The following SVOP variants were observed in gnomAD, a reference collection of about 807,000 sequenced individuals.
SVOP encodes the protein SV2 related protein.
A neutral mutation model predicts 69.1 loss-of-function variants in SVOP; 17 were observed. That is an observed-to-expected ratio of 0.25 (90% CI 0.17 to 0.37). SVOP has a LOEUF of 0.37. SVOP is among the 10% of genes least tolerant of loss of function. The pLI, the probability that SVOP is intolerant of heterozygous loss-of-function variation, is 1.00. For missense variants in SVOP, 435 were observed against 597.5 expected, an observed-to-expected ratio of 0.73 and a Z score of 2.84; for synonymous variants, 238 against 238.6, an observed-to-expected ratio of 1.00 and a Z score of 0.02.
rs574086841 is a variant in SVOP, at chr12:108,909,783, A to C, written c.*2752T>G. 1 of 152,210 alleles carries C rather than the reference A, an allele frequency of 6.6e-6. No homozygotes were observed. The highest frequency in any genetic ancestry group is 1.5e-5 in the Non-Finnish European group (1 of 68,040). 9.4% of individuals were successfully genotyped at this position (152,210 alleles called of 1,614,324 possible). ...ACTCTAAGAGAAACATGGCATTTCC[A>C]TTAACGAAAATAGGAGCTTTTTGAA... On this transcript the variant is annotated 3_prime_UTR_variant, in exon 16 of 16. Coordinates refer to ENST00000610966, the MANE Select transcript of SVOP (RefSeq NM_018711.5).
chr12:109,002,727 G>A (rs1185395704), intron 1 of SVOP, among the ~76,000 whole-genome samples: 15 of 148,102 alleles, frequency 1.0e-4, no homozygotes, highest in African/African-American at 2.5e-4. Context: ...CAAACACCGC[G>A]TATTCTCACT....
At chr12:108,988,452 T>C (rs1293170994) in intron 1 of SVOP, among the ~76,000 whole-genome samples, 2 of 152,186 alleles carry the variant, frequency 1.3e-5, no homozygotes, top group Non-Finnish European at 2.9e-5. Context: ...GGACATCCAA[T>C]GTTCCTAATA....
At chr12:108,931,125 C>A (rs1375789425) in intron 11 of SVOP, among the ~76,000 whole-genome samples, 1 of 152,158 alleles carries the variant, frequency 6.6e-6, no homozygotes, top group African/African-American at 2.4e-5. Flanking sequence ...ATTGACTCTA[C>A]AATCAAAGCA....
chr12:108,927,295 C>T (rs1593179341), intron 11 of SVOP, among the ~76,000 whole-genome samples: 1 of 152,294 alleles, frequency 6.6e-6, no homozygotes, highest in East Asian at 1.9e-4. Flanking sequence ...AACTTGTCAG[C>T]TTGCAAATAG....
rs182780122 is a variant in SVOP, at chr12:108,952,651, A to T, written c.579-7485T>A. Among the ~76,000 whole-genome samples the T allele has an allele frequency of 2.0e-5, 3 of 152,294 alleles. No individual in the cohort carries two copies. The East Asian group carries it at 5.8e-4, about 29-fold the overall frequency. On this transcript the variant is annotated intron_variant, in intron 6 of 15. Coordinates refer to ENST00000610966, the MANE Select transcript of SVOP (RefSeq NM_018711.5). Reference sequence around the variant, plus strand: ...CTTGAGTTCAAGAACAGCCTGGGTAACACAGTGAGACCGCCCACCCTGTGC... The same window carrying T: ...CTTGAGTTCAAGAACAGCCTGGGTATCACAGTGAGACCGCCCACCCTGTGC...
At chr12:109,001,198 C>T (rs2040267273) in intron 1 of SVOP, among the ~76,000 whole-genome samples, 1 of 61,720 alleles carries the variant, frequency 1.6e-5, no homozygotes, top group Non-Finnish European at 3.5e-5. Flanking sequence ...TGAGTGAACT[C>T]CCATTCACAA....
intron 11 of SVOP, among the ~76,000 whole-genome samples, chr12:108,932,439 C>CA (rs1482678965): frequency 1.2e-4 from 18 of 151,014 alleles, no homozygotes; most frequent in Admixed American, 4.6e-4. Context: ...GACCCTGTCT[C>CA]AAAAAAAAGA....
At chr12:108,915,960 G>T in intron 14 of SVOP, 88 bp from the exon 15 acceptor site, 1 of 1,305,172 alleles carries the variant, frequency 7.7e-7, no homozygotes, top group Non-Finnish European at 1.0e-6. Flanking sequence ...AACCTCAGGG[G>T]CAGGCCGGAA....
At chr12:108,945,039 G>T (rs1321068811) in intron 7 of SVOP, 64 bp downstream of exon 7, 1 of 1,448,980 alleles carries the variant, frequency 6.9e-7, no homozygotes, top group Non-Finnish European at 9.4e-7. Context: ...TGTGGTTCAA[G>T]ACATCTGAGA....
At chr12:108,972,152 A>T (rs935475301) in intron 5 of SVOP, among the ~76,000 whole-genome samples, 46 of 151,352 alleles carry the variant, frequency 3.0e-4, no homozygotes, top group Admixed American at 8.6e-4. Flanking sequence ...GGTAATGAGG[A>T]AATGGTTCTG....
At chr12:108,918,206 A>G in intron 13 of SVOP, 82 bp from the exon 14 acceptor site, 1 of 1,170,976 alleles carries the variant, frequency 8.5e-7, no homozygotes, top group Non-Finnish European at 1.2e-6. Flanking sequence ...AGGCAGTATC[A>G]ATGCCCTAGC....
At chr12:108,994,615 T>C (rs894369533) in intron 1 of SVOP, among the ~76,000 whole-genome samples, 1 of 152,218 alleles carries the variant, frequency 6.6e-6, no homozygotes, top group Non-Finnish European at 1.5e-5. Context: ...ATTTTGCAAA[T>C]GAGGACACTT....
intron 6 of SVOP, among the ~76,000 whole-genome samples, chr12:108,954,438 A>C (rs896277674): frequency 2.0e-5 from 3 of 152,224 alleles, no homozygotes; most frequent in African/African-American, 7.2e-5. Flanking sequence ...AGTAGGGAGC[A>C]GGCAGGCAAG....
At chr12:108,950,666 T>G (rs1413391482) in intron 6 of SVOP, among the ~76,000 whole-genome samples, 1 of 152,234 alleles carries the variant, frequency 6.6e-6, no homozygotes, top group Non-Finnish European at 1.5e-5. Flanking sequence ...ATTGCAGGCA[T>G]GAGCCACCAT....
intron 5 of SVOP, among the ~76,000 whole-genome samples, chr12:108,966,126 A>G (rs1475878281): frequency 1.3e-5 from 2 of 151,920 alleles, no homozygotes; most frequent in Non-Finnish European, 2.9e-5. Flanking sequence ...TTCAGCCCCC[A>G]AGTAGCCTGG....
At chr12:108,914,911 C>T (rs544176759) in intron 15 of SVOP, among the ~76,000 whole-genome samples, 2 of 151,636 alleles carry the variant, frequency 1.3e-5, no homozygotes, top group South Asian at 4.2e-4. Context: ...CACAGTGGCT[C>T]ATGCCTGTAA....
In SVOP at chr12:108,967,026, G is replaced by A. The variant is rs150070053; in HGVS notation, c.453+5379C>T. 5.9e-4 allele frequency among the ~76,000 whole-genome samples: 90 copies of A among 152,254 alleles called. 1 individual carries two copies. In the East Asian group the frequency reaches 0.017, roughly 28 times the overall value. ...TTTACTCCTCATAACAGCACCATGG[G>A]AGAGACTATTATTATCCCACCTACA... On this transcript the variant is annotated intron_variant, in intron 5 of 15. Transcript: ENST00000610966.
intron 9 of SVOP, among the ~76,000 whole-genome samples, chr12:108,938,492 A>T (rs969849060): frequency 6.6e-6 from 1 of 152,250 alleles, no homozygotes; most frequent in East Asian, 1.9e-4. Context: ...AATCAGTCTC[A>T]TTCGCTAGTC....
intron 11 of SVOP, among the ~76,000 whole-genome samples, chr12:108,925,130 T>C (rs1459181725): frequency 6.6e-6 from 1 of 152,216 alleles, no homozygotes; most frequent in African/African-American, 2.4e-5. Flanking sequence ...TTCCATGGAT[T>C]GACCTCTGAT....
Sources: gnomAD v4.1 joint callset for allele counts (sites outside exome capture counted in the v4.1 genomes callset) on GRCh38, gnomAD v4.1.1 for gene constraint, MANE v1.5 for transcripts, NCBI Gene and HGNC (gene_info 2026-07-23, HGNC 2026-07-21) for gene names.